The following PRH1 variants were observed in gnomAD, a reference collection of about 807,000 sequenced individuals.
PRH1 encodes the protein salivary acidic proline-rich phosphoprotein 1/2.
A neutral mutation model predicts 7.9 loss-of-function variants in PRH1; 7 were observed. The observed-to-expected ratio is 0.89, with a 90% CI of 0.50 to 1.67. The LOEUF (loss-of-function observed/expected upper bound fraction) is 1.67, where lower values mean the gene tolerates loss of function less well. Among genes scored for constraint, PRH1 ranks in the 40% most tolerant of loss-of-function variants. The pLI, the probability that PRH1 is intolerant of heterozygous loss-of-function variation, is 0.00. For missense variants in PRH1, 109 were observed against 223.6 expected, an observed-to-expected ratio of 0.49 and a Z score of 3.27; for synonymous variants, 45 against 80.8, an observed-to-expected ratio of 0.56 and a Z score of 2.38.
At position 11,167,400 on chromosome 12, in the gene PRH1, G is replaced by C. The variant is rs944285070; in HGVS notation, n.39+4022C>G. Reference sequence around the variant, plus strand: ...TGCCAGAGAACTCTTCTGGAGTTCTGCCACAGATGAAACAATTCATGTCTC... The same window carrying C: ...TGCCAGAGAACTCTTCTGGAGTTCTCCCACAGATGAAACAATTCATGTCTC... On this transcript the variant is annotated intron_variant and non_coding_transcript_variant, in intron 1 of 1. Transcript: ENST00000541175. Among the ~76,000 whole-genome samples the C allele has an allele frequency of 1.4e-4, 10 of 69,660 alleles. No individual in the cohort carries two copies. In the Admixed American group the frequency reaches 1.8e-3, roughly 13 times the overall value. 45.7% of individuals were successfully genotyped at this position (69,660 alleles called of 152,430 possible). A position where few individuals can be genotyped will look rare whatever the true frequency, so the allele number is the denominator to read the frequency against.
At chr12:10,960,107 G>A (rs1387333773) in intron 2 of PRH1, among the ~76,000 whole-genome samples, 1 of 152,200 alleles carries the variant, frequency 6.6e-6, no homozygotes, top group African/African-American at 2.4e-5. Context: ...AGCCTCATTG[G>A]ATTGGGCTGA....
intron 1 of PRH1, among the ~76,000 whole-genome samples, chr12:10,974,498 C>G (rs191960247): frequency 6.6e-6 from 1 of 152,116 alleles, no homozygotes. Context: ...CCCAGAGTTA[C>G]GGCATTCAGC....
chr12:11,109,739 A>C (rs1945533294), intron 1 of PRH1, among the ~76,000 whole-genome samples: 1 of 152,154 alleles, frequency 6.6e-6, no homozygotes, highest in East Asian at 1.9e-4. Context: ...AAGGCTGAAA[A>C]TTCCAAAAAC....
At chr12:10,994,537 A>T (rs1450730781) in intron 1 of PRH1, among the ~76,000 whole-genome samples, 3 of 152,154 alleles carry the variant, frequency 2.0e-5, no homozygotes, top group African/African-American at 7.2e-5. Flanking sequence ...TACAGCACAT[A>T]GTGTCACATC....
At chr12:11,160,031 A>C (rs1314980265) in intron 1 of PRH1, among the ~76,000 whole-genome samples, 1 of 152,236 alleles carries the variant, frequency 6.6e-6, no homozygotes, top group Non-Finnish European at 1.5e-5. Context: ...CATGGTAATG[A>C]CTAAAGAAGC....
intron 1 of PRH1, among the ~76,000 whole-genome samples, chr12:11,024,455 A>G (rs1454319826): frequency 9.7e-6 from 1 of 103,574 alleles, no homozygotes. Flanking sequence ...TTTTTTTAAT[A>G]TTCTTTATAC....
intron 2 of PRH1, among the ~76,000 whole-genome samples, chr12:10,966,512 G>A (rs1412092829): frequency 1.3e-5 from 2 of 152,176 alleles, no homozygotes; most frequent in Non-Finnish European, 2.9e-5. Context: ...AATGGAGTCA[G>A]TTTGTCCTTG....
At chr12:10,890,662 C>T (rs1949559130) in intron 2 of PRH1, among the ~76,000 whole-genome samples, 3 of 151,922 alleles carry the variant, frequency 2.0e-5, no homozygotes, top group African/African-American at 7.3e-5. Context: ...CTGCTTAAGG[C>T]CAGGAGTTCT....
intron 1 of PRH1, among the ~76,000 whole-genome samples, chr12:11,115,219 C>T (rs1945697809): frequency 6.6e-6 from 1 of 152,028 alleles, no homozygotes; most frequent in African/African-American, 2.4e-5. Flanking sequence ...AAAGATAATT[C>T]ATGGCAATGG....
At chr12:11,104,401 CAAT>C (rs1241709066) in intron 1 of PRH1, among the ~76,000 whole-genome samples, 1 of 147,972 alleles carries the variant, frequency 6.8e-6, no homozygotes, top group Non-Finnish European at 1.5e-5. Context: ...AACTTTACGT[CAAT>C]GAGATTACAG....
At chr12:10,938,386 T>C in intron 2 of PRH1, 1 of 1,613,992 alleles carries the variant, frequency 6.2e-7, no homozygotes, top group Non-Finnish European at 8.5e-7. Context: ...ATGAGTGACA[T>C]GAAGGATAAG....
chr12:10,895,368 C>T (rs917563823), intron 2 of PRH1: 1 of 152,118 alleles, frequency 6.6e-6, no homozygotes, highest in Non-Finnish European at 1.5e-5. Flanking sequence ...TGCATGGTAT[C>T]CATATAATTA....
chr12:10,983,417 T>C (rs1271862708), intron 1 of PRH1, among the ~76,000 whole-genome samples: 2 of 152,186 alleles, frequency 1.3e-5, no homozygotes, highest in African/African-American at 4.8e-5. Context: ...AACATATCCT[T>C]CCTCAGATTA....
intron 1 of PRH1, among the ~76,000 whole-genome samples, chr12:11,143,759 C>A (rs1252401970): frequency 2.1e-5 from 1 of 46,786 alleles, no homozygotes; most frequent in Non-Finnish European, 6.5e-5. Context: ...ATAAAGGGGT[C>A]AACTCATCGA....
chr12:10,894,778 C>G (rs1949620798), intron 2 of PRH1, among the ~76,000 whole-genome samples: 1 of 152,028 alleles, frequency 6.6e-6, no homozygotes, highest in Non-Finnish European at 1.5e-5. Flanking sequence ...AACAAGGTAG[C>G]AATCTGTTCT....
chr12:10,938,582 C>T (rs145427921), intron 2 of PRH1: 227 of 1,613,802 alleles, frequency 1.4e-4, no homozygotes, highest in Middle Eastern at 3.3e-4. Context: ...CATCTTCTTG[C>T]GATGTTTCCA....
chr12:10,996,534 A>G (rs1253223804), intron 1 of PRH1: 1 of 153,840 alleles, frequency 6.5e-6, no homozygotes, highest in East Asian at 1.9e-4. Context: ...ACAACGAAAA[A>G]CAGCAATGAT....
chr12:11,146,970 TATA>T (rs1339839329), intron 1 of PRH1, among the ~76,000 whole-genome samples: 2 of 152,184 alleles, frequency 1.3e-5, no homozygotes, highest in Non-Finnish European at 2.9e-5. Context: ...ATAATTACAC[TATA>T]ATAAATCTTG....
chr12:10,997,351 GGAA>G, intron 1 of PRH1: 1 of 1,614,034 alleles, frequency 6.2e-7, no homozygotes. Flanking sequence ...CAGTCAAGTT[GGAA>G]AGGTGCATTG....
Sources: gnomAD v4.1 joint callset for allele counts (sites outside exome capture counted in the v4.1 genomes callset) on GRCh38, gnomAD v4.1.1 for gene constraint, MANE v1.5 for transcripts, NCBI Gene and HGNC (gene_info 2026-07-23, HGNC 2026-07-21) for gene names.